KAZN: variants seen among roughly 807,000 people sequenced by gnomAD.
KAZN encodes the protein kazrin.
A neutral mutation model predicts 87.4 loss-of-function variants in KAZN; 40 were observed. The observed-to-expected ratio is 0.46, with a 90% CI of 0.36 to 0.60. The LOEUF (loss-of-function observed/expected upper bound fraction) is 0.60. Among genes scored for constraint, KAZN ranks in the 20% least tolerant of loss-of-function variants. The pLI is 0.00. For missense variants in KAZN, 898 were observed against 1,073.9 expected, an observed-to-expected ratio of 0.84 and a Z score of 2.29; for synonymous variants, 466 against 458.3, an observed-to-expected ratio of 1.02 and a Z score of -0.22.
At position 14,587,295 on chromosome 1, in the gene KAZN, G is replaced by A. The variant is rs547749892; in HGVS notation, c.250-11688G>A. Among the ~76,000 whole-genome samples the A allele has an allele frequency of 2.7e-3, 414 of 152,082 alleles. 1 individual carries two copies. Among genetic ancestry groups the A allele is most frequent in the South Asian group, 0.011 (53 of 4,808 alleles). ...TACTAAAAATACAAAAATCATCCGG[G>A]TGTGGTGGCATGCACCTGTAATCCC... is the stretch of plus-strand genomic sequence containing the variant. On this transcript the variant is annotated intron_variant, in intron 2 of 16. Coordinates refer to the KAZN transcript ENST00000636203.
At chr1:14,035,401 A>C (rs996583068) in intron 1 of KAZN, among the ~76,000 whole-genome samples, 1 of 151,816 alleles carries the variant, frequency 6.6e-6, no homozygotes, top group Non-Finnish European at 1.5e-5. Flanking sequence ...CTAAAGATGA[A>C]TCACCTGCCT....
chr1:14,239,466 T>TTTC (rs1442152763), intron 2 of KAZN, among the ~76,000 whole-genome samples: 1 of 147,436 alleles, frequency 6.8e-6, no homozygotes, highest in East Asian at 2.0e-4. Context: ...TTTTTTTTTT[T>TTTC]TTTTTTTTTT....
intron 1 of KAZN, among the ~76,000 whole-genome samples, chr1:14,048,162 T>G (rs1316043912): frequency 6.6e-6 from 1 of 152,190 alleles, no homozygotes; most frequent in African/African-American, 2.4e-5. Flanking sequence ...TTTTTGAGAA[T>G]TAAATGGCAT....
At chr1:14,456,785 C>CA (rs1667588883) in intron 2 of KAZN, among the ~76,000 whole-genome samples, 1 of 151,928 alleles carries the variant, frequency 6.6e-6, no homozygotes, top group African/African-American at 2.4e-5. Context: ...ATTACTGGGT[C>CA]AAAAAAATAT....
chr1:15,114,721 A>C lies in KAZN; in HGVS notation c.*86A>C. On this transcript the variant is annotated 3_prime_UTR_variant, in exon 15 of 15. Transcript: ENST00000376030. ...GCCCCAGGTGTCGTTCTCACTGTAC[A>C]TAGCGGCCGCAGGCTGAGGATGTCC... is the stretch of plus-strand genomic sequence containing the variant. 3 of 1,352,512 alleles carry C rather than the reference A, an allele frequency of 2.2e-6. No individual in the cohort carries two copies. The highest frequency in any genetic ancestry group is 3.0e-6 in the Non-Finnish European group (3 of 997,558). The allele number at this position is 1,352,512 out of a possible 1,614,324, so 83.8% of individuals were successfully genotyped here.
At chr1:15,017,432 G>C (rs1670233174) in intron 2 of KAZN, among the ~76,000 whole-genome samples, 1 of 152,210 alleles carries the variant, frequency 6.6e-6, no homozygotes, top group Admixed American at 6.5e-5. Context: ...TCTTGTTCTT[G>C]ACCTAGGAGA....
intron 2 of KAZN, among the ~76,000 whole-genome samples, chr1:14,182,968 T>A (rs1646229485): frequency 6.6e-6 from 1 of 152,144 alleles, no homozygotes; most frequent in African/African-American, 2.4e-5. Flanking sequence ...ATCCTTGAAC[T>A]TGGTTGGTAT....
At chr1:15,110,381 ATTTGTGTG>A (rs1033408598) in intron 13 of KAZN, among the ~76,000 whole-genome samples, 6 of 46,410 alleles carry the variant, frequency 1.3e-4, no homozygotes, top group Admixed American at 6.3e-4. Context: ...TGTAGTGTGT[ATTTGTGTG>A]TTTGTGTGTG....
At chr1:14,611,305 G>T (rs566442289) in intron 1 of KAZN, among the ~76,000 whole-genome samples, 2 of 152,304 alleles carry the variant, frequency 1.3e-5, no homozygotes, top group East Asian at 3.9e-4. Flanking sequence ...CAGCAAAATA[G>T]AAATAATAGA....
intron 2 of KAZN, among the ~76,000 whole-genome samples, chr1:14,243,317 G>A (rs1348542783): frequency 1.3e-5 from 2 of 152,096 alleles, no homozygotes; most frequent in Admixed American, 1.3e-4. Flanking sequence ...TTTCTAGTCG[G>A]GCCCTACCCT....
At chr1:14,006,403 G>A (rs982476404) in intron 1 of KAZN, among the ~76,000 whole-genome samples, 1 of 152,218 alleles carries the variant, frequency 6.6e-6, no homozygotes, top group African/African-American at 2.4e-5. Context: ...CATAGTGAGA[G>A]AGGGAGCAAG....
intron 5 of KAZN, among the ~76,000 whole-genome samples, chr1:15,058,193 C>T (rs2100505372): frequency 6.6e-6 from 1 of 152,328 alleles, no homozygotes; most frequent in African/African-American, 2.4e-5. Flanking sequence ...CTGTGGTAGG[C>T]TCATCATACA....
At chr1:13,995,242 T>C in intron 1 of KAZN, among the ~76,000 whole-genome samples, 1 of 123,120 alleles carries the variant, frequency 8.1e-6, no homozygotes, top group South Asian at 2.9e-4. Flanking sequence ...AAAATCCTAA[T>C]GATTGGGAAA....
intron 1 of KAZN, among the ~76,000 whole-genome samples, chr1:14,079,747 C>T (rs1190915963): frequency 2.6e-5 from 4 of 151,998 alleles, no homozygotes; most frequent in Non-Finnish European, 4.4e-5. Flanking sequence ...TGAGTATTCT[C>T]GGAGCAAATG....
chr1:14,514,208 C>T (rs1197830239), intron 2 of KAZN, among the ~76,000 whole-genome samples: 6 of 140,774 alleles, frequency 4.3e-5, no homozygotes, highest in African/African-American at 1.6e-4. Context: ...GCCTATGGTC[C>T]CAGCTACTCG....
chr1:14,609,703 A>T (rs760775504), intron 1 of KAZN, among the ~76,000 whole-genome samples: 2 of 152,230 alleles, frequency 1.3e-5, no homozygotes, highest in Non-Finnish European at 2.9e-5. Flanking sequence ...CTACCTAGAC[A>T]TCTCTTTGCA....
intron 1 of KAZN, among the ~76,000 whole-genome samples, chr1:14,809,679 T>C (rs75064475): frequency 0.012 from 1,778 of 152,328 alleles, 34 homozygotes; most frequent in African/African-American, 0.041. Context: ...TAAGCTTTAC[T>C]GGAGTAACCC....
At chr1:14,301,544 G>T (rs1654554034) in intron 2 of KAZN, among the ~76,000 whole-genome samples, 1 of 152,164 alleles carries the variant, frequency 6.6e-6, no homozygotes, top group South Asian at 2.1e-4. Context: ...TTCATGTGAG[G>T]CGCTGGCACC....
chr1:14,258,829 A>G (rs1385421862), intron 2 of KAZN, among the ~76,000 whole-genome samples: 1 of 152,228 alleles, frequency 6.6e-6, no homozygotes, highest in East Asian at 1.9e-4. Flanking sequence ...AGGAATATGT[A>G]GAGATTAAAT....
Sources: allele counts gnomAD v4.1 joint callset (sites outside exome capture counted in the v4.1 genomes callset), GRCh38; gene constraint gnomAD v4.1.1; transcripts MANE v1.5; gene names NCBI Gene and HGNC (gene_info 2026-07-23, HGNC 2026-07-21).